Variants in CDK19 observed in about 807,000 individuals in gnomAD.
The protein encoded by CDK19 is cyclin dependent kinase 19.
In CDK19, 20 loss-of-function variants were observed where a neutral mutation model predicts 68.3. That is an observed-to-expected ratio of 0.29 (90% CI 0.21 to 0.43). The LOEUF is 0.43. CDK19 is among the 20% of genes least tolerant of loss of function. The pLI is 1.00. For missense variants in CDK19, 339 were observed against 623.5 expected (o/e 0.54, Z 4.86); for synonymous variants, 221 against 222.8 (o/e 0.99, Z 0.07).
intron 2 of CDK19, among the ~76,000 whole-genome samples, chr6:110,697,374 C>T (rs1393114077): frequency 5.9e-5 from 9 of 151,984 alleles, no homozygotes; most frequent in African/African-American, 2.2e-4. Flanking sequence ...AGAACTCAAC[C>T]CCTTTTATAA....
At chr6:110,779,985 C>G (rs959743269) in intron 1 of CDK19, among the ~76,000 whole-genome samples, 1 of 151,778 alleles carries the variant, frequency 6.6e-6, no homozygotes, top group African/African-American at 2.4e-5. Flanking sequence ...TTCAGGAGGC[C>G]GAGGCAGGCA....
chr6:110,758,817 T>C (rs1778998498), intron 1 of CDK19, among the ~76,000 whole-genome samples: 1 of 152,170 alleles, frequency 6.6e-6, no homozygotes, highest in South Asian at 2.1e-4. Context: ...TTTGCCATTC[T>C]TAAATCCCAC....
intron 4 of CDK19, chr6:110,646,005 C>T: frequency 9.3e-7 from 1 of 1,074,902 alleles, no homozygotes; most frequent in Non-Finnish European, 1.4e-6. Context: ...TCTGGGCAAG[C>T]AGGGTGTGCG....
At chr6:110,790,871 A>G (rs1011953088) in intron 1 of CDK19, among the ~76,000 whole-genome samples, 4 of 152,124 alleles carry the variant, frequency 2.6e-5, no homozygotes, top group African/African-American at 4.8e-5. Context: ...GACTATAGTT[A>G]TTAAAAATGT....
chr6:110,804,404 G>A (rs1032502439), intron 1 of CDK19, among the ~76,000 whole-genome samples: 2 of 151,708 alleles, frequency 1.3e-5, no homozygotes, highest in Non-Finnish European at 2.9e-5. Flanking sequence ...GTGCAATGGC[G>A]CGATCTCGGC....
chr6:110,624,311 G>T (rs1582701444), intron 8 of CDK19, among the ~76,000 whole-genome samples: 1 of 151,920 alleles, frequency 6.6e-6, no homozygotes. Flanking sequence ...AGGTTCAGAG[G>T]TGAGCAAAGG....
In CDK19 at chr6:110,621,083, C is replaced by T. The variant is rs1264834698; in HGVS notation, c.1377+21G>A. The T allele has an allele frequency of 6.3e-7, 1 of 1,599,968 alleles. No homozygotes were observed. Among genetic ancestry groups the T allele is most frequent in the Non-Finnish European group, 8.5e-7 (1 of 1,173,080 alleles). The stretch of plus-strand genomic sequence containing the variant: ...TTCCCCACTTCATAAAGCATATGAA[C>T]ATTAGACATTCAGGGAGTACCTGAT... On this transcript the variant is annotated intron_variant, in intron 12 of 12. Transcript: ENST00000368911. This position sits in a 1 kb window ranked among gnomAD's most constrained non-coding sequence, Gnocchi z 5.4.
intron 1 of CDK19, among the ~76,000 whole-genome samples, chr6:110,811,616 C>A (rs1247927222): frequency 3.3e-5 from 5 of 152,162 alleles, no homozygotes; most frequent in Admixed American, 2.6e-4. Flanking sequence ...TGGAAAAATG[C>A]AGTCTTGAAA....
rs967275832 is a variant in CDK19 at position 110,655,279 on chromosome 6, T to C, written c.456+12155A>G. Among the ~76,000 whole-genome samples, 105 of 151,728 alleles carry C rather than the reference T, an allele frequency of 6.9e-4. 1 individual carries two copies. The highest frequency in any genetic ancestry group is 6.6e-3 in the Admixed American group (101 of 15,238). Reference sequence around the variant, plus strand: ...TACTTGGGAGGCTGAGGCAGGAGAATTGCTTGAACCCAGGAGGCAGAGGTT... The same window carrying C: ...TACTTGGGAGGCTGAGGCAGGAGAACTGCTTGAACCCAGGAGGCAGAGGTT... On this transcript the variant is annotated intron_variant, in intron 4 of 12. Transcript: ENST00000368911.
Position 110,753,537 on chromosome 6 carries a change from C to T in CDK19, c.129-7336G>A, listed in dbSNP as rs141789292. Among the ~76,000 whole-genome samples the T allele has an allele frequency of 5.2e-3, 768 of 147,660 alleles. 2 individuals are homozygous for T. Among genetic ancestry groups the T allele is most frequent in the African/African-American group, 0.018 (731 of 39,520 alleles). On this transcript the variant is annotated intron_variant, in intron 1 of 12. Coordinates refer to ENST00000368911, the MANE Select transcript of CDK19 (RefSeq NM_015076.5). ...AGCTGAGGCTATAGGTGTGCACCAC[C>T]ACACCTGGATTTTTTTTTTTTTTTT...
chr6:110,639,074 G>A (rs553515586), intron 4 of CDK19, among the ~76,000 whole-genome samples: 34 of 152,070 alleles, frequency 2.2e-4, no homozygotes, highest in African/African-American at 6.3e-4. Context: ...CAACATAATC[G>A]CCTTCATATG....
chr6:110,801,765 C>A (rs964282393), intron 1 of CDK19, among the ~76,000 whole-genome samples: 1 of 152,192 alleles, frequency 6.6e-6, no homozygotes, highest in Admixed American at 6.5e-5. Flanking sequence ...CCTGCCTTGG[C>A]CTCCCAAAGT....
intron 2 of CDK19, among the ~76,000 whole-genome samples, chr6:110,741,611 G>A (rs1347191701): frequency 6.6e-6 from 1 of 151,140 alleles, no homozygotes; most frequent in Non-Finnish European, 1.5e-5. Context: ...CACATCATAG[G>A]CAAACTGTCA....
Position 110,815,363 on chromosome 6 carries a change from C to G in CDK19, c.-227G>C. On this transcript the variant is annotated 5_prime_UTR_variant, in exon 1 of 13. Coordinates refer to ENST00000368911, the MANE Select transcript of CDK19 (RefSeq NM_015076.5). ...TCCTCCTCCTCCTCCGCGACGGCGG[C>G]GGCGGCTCCCGCAGGCACCCCCAGT... 1 of 386,242 alleles carries G rather than the reference C, an allele frequency of 2.6e-6. No individual in the cohort carries two copies. The highest frequency in any genetic ancestry group is 4.5e-6 in the Non-Finnish European group (1 of 222,766). The allele number at this position is 386,242 out of a possible 1,614,324, so 23.9% of individuals were successfully genotyped here. A position where few individuals can be genotyped will look rare whatever the true frequency, so the allele number is the denominator to read the frequency against.
At chr6:110,763,413 T>TG (rs1324578234) in intron 1 of CDK19, among the ~76,000 whole-genome samples, 2 of 142,846 alleles carry the variant, frequency 1.4e-5, no homozygotes, top group Non-Finnish European at 3.0e-5. Context: ...ACTCTTATTA[T>TG]GTTTTTTTTT....
intron 4 of CDK19, among the ~76,000 whole-genome samples, chr6:110,642,423 T>C (rs975627711): frequency 1.3e-5 from 2 of 151,770 alleles, no homozygotes; most frequent in Admixed American, 1.3e-4. Context: ...TAACAGGCAG[T>C]GATTTAGATG....
intron 4 of CDK19, chr6:110,643,089 A>G: frequency 1.4e-6 from 1 of 697,778 alleles, no homozygotes; most frequent in Non-Finnish European, 2.0e-6. Context: ...AAGGAAGCTG[A>G]GCCTGCTACC....
intron 1 of CDK19, among the ~76,000 whole-genome samples, chr6:110,752,628 A>G (rs1420218714): frequency 2.0e-5 from 3 of 152,364 alleles, no homozygotes; most frequent in African/African-American, 7.2e-5. Context: ...ATACAGTACT[A>G]TTCTTCTTTA....
At chr6:110,749,414 A>T (rs1237670416) in intron 1 of CDK19, among the ~76,000 whole-genome samples, 1 of 139,214 alleles carries the variant, frequency 7.2e-6, no homozygotes, top group Non-Finnish European at 1.5e-5. Context: ...TCCCCCAAGT[A>T]CAGTAGCACG....
Sources: gnomAD v4.1 joint callset for allele counts (sites outside exome capture counted in the v4.1 genomes callset) on GRCh38, gnomAD v4.1.1 for gene constraint, Gnocchi (gnomAD v3.1) non-coding constraint, MANE v1.5 for transcripts, NCBI Gene and HGNC (gene_info 2026-07-23, HGNC 2026-07-21) for gene names.